The following CCDC148 variants were observed in gnomAD, a reference collection of about 807,000 sequenced individuals.
The protein encoded by CCDC148 is coiled-coil domain-containing protein 148.
A neutral mutation model predicts 85.7 loss-of-function variants in CCDC148; 89 were observed. The observed-to-expected ratio is 1.04, with a 90% CI of 0.87 to 1.24. CCDC148 has a LOEUF of 1.24. CCDC148 is among the 50% of genes most tolerant of loss of function. The probability of loss-of-function intolerance (pLI) is 0.00; values close to 1 mark genes in which losing one functional copy is unlikely to be tolerated. For missense variants in CCDC148, 692 were observed against 671.7 expected (o/e 1.03, Z -0.33); for synonymous variants, 230 against 213.9 (o/e 1.08, Z -0.66).
chr2:158,379,804 T>C (rs1328926687), intron 1 of CCDC148, among the ~76,000 whole-genome samples: 1 of 152,192 alleles, frequency 6.6e-6, no homozygotes, highest in Admixed American at 6.6e-5. Context: ...CATAATGCTA[T>C]TGCACATTTA....
At chr2:158,429,846 T>C (rs973122644) in intron 1 of CCDC148, among the ~76,000 whole-genome samples, 2 of 152,160 alleles carry the variant, frequency 1.3e-5, no homozygotes, top group Non-Finnish European at 2.9e-5. Flanking sequence ...GTGGGACTCA[T>C]GATTGCCATG....
At chr2:158,214,093 T>C (rs538155398) in intron 11 of CCDC148, among the ~76,000 whole-genome samples, 1 of 41,066 alleles carries the variant, frequency 2.4e-5, no homozygotes, top group African/African-American at 1.1e-4. Flanking sequence ...TTACAGAAAC[T>C]AAAGAACACA....
intron 7 of CCDC148, among the ~76,000 whole-genome samples, chr2:158,328,493 T>C (rs1278323318): frequency 6.6e-6 from 1 of 152,154 alleles, no homozygotes; most frequent in Non-Finnish European, 1.5e-5. Context: ...TGTGTCTTTA[T>C]AGCAGCATGA....
chr2:158,314,351 G>A (rs963723388), intron 7 of CCDC148, among the ~76,000 whole-genome samples: 6 of 152,126 alleles, frequency 3.9e-5, no homozygotes, highest in African/African-American at 1.4e-4. Flanking sequence ...GACAGACTGA[G>A]GAAGAGACTT....
rs375753987 is a variant in CCDC148, at chr2:158,370,553, C to A, written c.26-11983G>T. Among the ~76,000 whole-genome samples, 9 of 151,984 alleles carry A rather than the reference C, an allele frequency of 5.9e-5. No homozygotes were observed. In the East Asian group the frequency reaches 1.5e-3, roughly 26 times the overall value. ...TTCATTCAAATATTATGGCCAAAGTCCAGCTGAAGCAATATTTTTCTAACA... is the reference window on the plus strand; with the variant it reads ...TTCATTCAAATATTATGGCCAAAGTACAGCTGAAGCAATATTTTTCTAACA... On this transcript the variant is annotated intron_variant, in intron 1 of 13. Transcript: ENST00000283233.
At chr2:158,332,624 G>C (rs981676188) in intron 7 of CCDC148, among the ~76,000 whole-genome samples, 6 of 151,520 alleles carry the variant, frequency 4.0e-5, no homozygotes, top group Non-Finnish European at 5.9e-5. Context: ...GCTCCTCTTT[G>C]TACCTCTGGT....
At chr2:158,224,899 C>T (rs13384076) in intron 10 of CCDC148, among the ~76,000 whole-genome samples, 76,358 of 151,064 alleles carry the variant, frequency 0.51, 19,799 homozygotes, top group East Asian at 0.76. Flanking sequence ...CATCAACTAA[C>T]GAGCAAACTA....
intron 11 of CCDC148, chr2:158,207,334 A>T (rs972807475): frequency 1.6e-4 from 25 of 152,182 alleles, no homozygotes; most frequent in African/African-American, 5.8e-4. Context: ...ATAAGAAGTG[A>T]TTTTGCTCTG....
intron 11 of CCDC148, among the ~76,000 whole-genome samples, chr2:158,217,695 C>T (rs989699482): frequency 3.3e-5 from 5 of 151,690 alleles, no homozygotes; most frequent in Admixed American, 6.6e-5. Context: ...TGAGCCACCG[C>T]ACCCGGTCGA....
At chr2:158,406,945 ATAAT>A (rs1246905279) in intron 1 of CCDC148, among the ~76,000 whole-genome samples, 2 of 151,938 alleles carry the variant, frequency 1.3e-5, no homozygotes, top group Non-Finnish European at 2.9e-5. Context: ...TTTCCACAAG[ATAAT>A]TAATTAGACT....
intron 9 of CCDC148, among the ~76,000 whole-genome samples, chr2:158,271,434 G>A (rs913294747): frequency 7.2e-5 from 11 of 152,222 alleles, no homozygotes; most frequent in South Asian, 4.1e-4. Context: ...ATTTTGTGCC[G>A]TCCTGCAGTA....
chr2:158,209,595 A>T (rs1163554184), intron 11 of CCDC148, among the ~76,000 whole-genome samples: 1 of 152,226 alleles, frequency 6.6e-6, no homozygotes, highest in East Asian at 1.9e-4. Context: ...AGGGATGCCC[A>T]TCAGACTAAC....
intron 11 of CCDC148, among the ~76,000 whole-genome samples, chr2:158,180,775 A>G (rs1011019547): frequency 3.9e-5 from 6 of 152,102 alleles, no homozygotes; most frequent in African/African-American, 1.4e-4. Flanking sequence ...TCATGAAAGG[A>G]GAGACACAGG....
intron 11 of CCDC148, among the ~76,000 whole-genome samples, chr2:158,219,599 G>A (rs1461848784): frequency 2.6e-5 from 4 of 152,170 alleles, no homozygotes; most frequent in African/African-American, 7.2e-5. Flanking sequence ...GCACACCCAT[G>A]GTCAGTCCCA....
chr2:158,368,308 C>G (rs1313112003), intron 1 of CCDC148, among the ~76,000 whole-genome samples: 1 of 152,126 alleles, frequency 6.6e-6, no homozygotes, highest in East Asian at 1.9e-4. Context: ...CTATCTGGCT[C>G]CACATATTTC....
At chr2:158,300,521 A>T (rs1392920447) in intron 9 of CCDC148, among the ~76,000 whole-genome samples, 2 of 152,246 alleles carry the variant, frequency 1.3e-5, no homozygotes, top group Non-Finnish European at 2.9e-5. Flanking sequence ...TTCCTGTATC[A>T]GACATTTGAG....
At chr2:158,410,322 T>C (rs1686204583) in intron 1 of CCDC148, among the ~76,000 whole-genome samples, 1 of 152,188 alleles carries the variant, frequency 6.6e-6, no homozygotes, top group African/African-American at 2.4e-5. Flanking sequence ...TCTAGCCTTT[T>C]ATTAGAAAGT....
chr2:158,427,095 A>G (rs1340488480), intron 1 of CCDC148, among the ~76,000 whole-genome samples: 3 of 152,184 alleles, frequency 2.0e-5, no homozygotes, highest in Non-Finnish European at 1.5e-5. Flanking sequence ...TAATAATTTG[A>G]CCTCACAGTG....
intron 9 of CCDC148, among the ~76,000 whole-genome samples, chr2:158,306,377 AC>A (rs1331930739): frequency 2.0e-5 from 3 of 152,010 alleles, no homozygotes; most frequent in African/African-American, 7.2e-5. Flanking sequence ...AATACAAAAA[AC>A]GTATGTTTAT....
Sources: gnomAD v4.1 joint callset for allele counts (sites outside exome capture counted in the v4.1 genomes callset) on GRCh38, gnomAD v4.1.1 for gene constraint, MANE v1.5 for transcripts, NCBI Gene and HGNC (gene_info 2026-07-23, HGNC 2026-07-21) for gene names.